Variants in SCMH1 observed in about 807,000 individuals in gnomAD.
SCMH1 encodes the protein polycomb protein SCMH1.
SCMH1 carries 37 observed loss-of-function variants against 70.8 expected under a neutral mutation model. The ratio of observed to expected loss-of-function variants is 0.52; its 90% CI spans 0.40 to 0.69. SCMH1 has a LOEUF of 0.69. Among genes scored for constraint, SCMH1 ranks in the 30% least tolerant of loss-of-function variants. The probability of loss-of-function intolerance (pLI) is 0.00; values close to 1 mark genes in which losing one functional copy is unlikely to be tolerated. For missense variants in SCMH1, 607 were observed against 827.3 expected (o/e 0.73, Z 3.27); for synonymous variants, 292 against 307.4 (o/e 0.95, Z 0.52).
intron 10 of SCMH1, among the ~76,000 whole-genome samples, chr1:41,060,019 A>G (rs6666928): frequency 6.6e-6 from 1 of 150,644 alleles, no homozygotes; most frequent in Non-Finnish European, 1.5e-5. Flanking sequence ...AAAAAAAAAA[A>G]CCATAACAGA....
intron 6 of SCMH1, among the ~76,000 whole-genome samples, chr1:41,130,657 ACT>A (rs778430434): frequency 5.3e-5 from 8 of 152,262 alleles, no homozygotes; most frequent in Admixed American, 1.3e-4. Context: ...CATAAAATTT[ACT>A]CTTTTAAGTA....
chr1:41,125,520 T>C (rs112917381), intron 6 of SCMH1, among the ~76,000 whole-genome samples: 12 of 151,438 alleles, frequency 7.9e-5, no homozygotes, highest in Admixed American at 2.0e-4. Context: ...CCCAGCCTCA[T>C]TCCTTCTATA....
intron 8 of SCMH1, among the ~76,000 whole-genome samples, chr1:41,090,690 G>C (rs1024108049): frequency 5.3e-5 from 8 of 151,972 alleles, no homozygotes; most frequent in Non-Finnish European, 1.2e-4. Context: ...TAAATTAAAA[G>C]TTAAAAAAAT....
intron 8 of SCMH1, among the ~76,000 whole-genome samples, chr1:41,108,727 A>G (rs2147805412): frequency 6.6e-6 from 1 of 152,352 alleles, no homozygotes; most frequent in East Asian, 1.9e-4. Context: ...AGGCAGAGAT[A>G]GGTGATAGGT....
chr1:41,118,722 T>C (rs990488432), intron 6 of SCMH1, among the ~76,000 whole-genome samples: 3 of 152,218 alleles, frequency 2.0e-5, no homozygotes, highest in African/African-American at 7.2e-5. Flanking sequence ...ATAAGATCAT[T>C]ATTACAGTTA....
At chr1:41,214,336 A>G (rs1445009713) in intron 1 of SCMH1, among the ~76,000 whole-genome samples, 2 of 152,166 alleles carry the variant, frequency 1.3e-5, no homozygotes, top group African/African-American at 4.8e-5. Context: ...ACTTTGCAAA[A>G]TATAACAATA....
At chr1:41,174,793 T>G (rs1423663171) in intron 2 of SCMH1, among the ~76,000 whole-genome samples, 1 of 152,240 alleles carries the variant, frequency 6.6e-6, no homozygotes, top group Non-Finnish European at 1.5e-5. Context: ...AAAAGTTGTA[T>G]TGACTTTATA....
intron 11 of SCMH1, among the ~76,000 whole-genome samples, chr1:41,048,155 G>GGA (rs1489927473): frequency 6.6e-6 from 1 of 152,164 alleles, no homozygotes; most frequent in African/African-American, 2.4e-5. Context: ...TCAGGACACA[G>GGA]GAGAAAAAAT....
chr1:41,074,363 T>C (rs1371932459), intron 9 of SCMH1, among the ~76,000 whole-genome samples: 1 of 152,206 alleles, frequency 6.6e-6, no homozygotes, highest in Non-Finnish European at 1.5e-5. Context: ...ATTTTACATC[T>C]GTAAGTCTCA....
At chr1:41,153,579 G>A (rs1426655652) in intron 4 of SCMH1, among the ~76,000 whole-genome samples, 1 of 152,114 alleles carries the variant, frequency 6.6e-6, no homozygotes, top group Non-Finnish European at 1.5e-5. Flanking sequence ...ATTCTGTAAT[G>A]TACACAGGCT....
At chr1:41,104,438 T>C (rs1667367654) in intron 8 of SCMH1, among the ~76,000 whole-genome samples, 1 of 152,168 alleles carries the variant, frequency 6.6e-6, no homozygotes, top group Admixed American at 6.5e-5. Context: ...AGTACCTGAG[T>C]GGCTATTCTC....
chr1:41,217,582 T>C (rs1157806354), intron 1 of SCMH1, among the ~76,000 whole-genome samples: 3 of 152,176 alleles, frequency 2.0e-5, no homozygotes, highest in Admixed American at 6.5e-5. Flanking sequence ...AGCAAAGATA[T>C]GTGGAGAACA....
chr1:41,094,170 A>G (rs1037571455), intron 8 of SCMH1, among the ~76,000 whole-genome samples: 14 of 152,202 alleles, frequency 9.2e-5, no homozygotes, highest in Non-Finnish European at 5.9e-5. Context: ...GGATTTAATA[A>G]GCTTAATAAA....
chr1:41,201,232 C>T (rs1654292016), intron 1 of SCMH1, among the ~76,000 whole-genome samples: 2 of 152,140 alleles, frequency 1.3e-5, no homozygotes, highest in Non-Finnish European at 2.9e-5. Context: ...AGTTATAAAT[C>T]CATGGCATTA....
intron 1 of SCMH1, among the ~76,000 whole-genome samples, chr1:41,187,825 AAAT>A (rs1650654051): frequency 6.7e-6 from 1 of 148,728 alleles, no homozygotes; most frequent in South Asian, 2.2e-4. Flanking sequence ...AAAAAAAAAA[AAAT>A]ATAAAAATTA....
intron 1 of SCMH1, among the ~76,000 whole-genome samples, chr1:41,241,383 C>T (rs1165510234): frequency 6.6e-6 from 1 of 152,218 alleles, no homozygotes; most frequent in Non-Finnish European, 1.5e-5. Flanking sequence ...TGCGGGGCCG[C>T]TCTCCCTGCC....
chr1:41,077,754 C>G (rs1375330562), intron 8 of SCMH1, among the ~76,000 whole-genome samples: 2 of 152,164 alleles, frequency 1.3e-5, no homozygotes, highest in African/African-American at 4.8e-5. Flanking sequence ...TTGAGGTGAT[C>G]AGGCCCTATC....
intron 11 of SCMH1, among the ~76,000 whole-genome samples, chr1:41,047,334 G>A (rs1646987798): frequency 1.3e-5 from 2 of 151,824 alleles, no homozygotes; most frequent in Non-Finnish European, 2.9e-5. Flanking sequence ...GAAGAGACCA[G>A]GGAGTAGGCT....
chr1:41,066,990 T>C (rs1354845570), intron 10 of SCMH1, among the ~76,000 whole-genome samples: 1 of 152,082 alleles, frequency 6.6e-6, no homozygotes, highest in East Asian at 1.9e-4. Context: ...TCCAAAGGAG[T>C]TGAAACCGTA....
Sources: gnomAD v4.1 joint callset for allele counts (sites outside exome capture counted in the v4.1 genomes callset) on GRCh38, gnomAD v4.1.1 for gene constraint, MANE v1.5 for transcripts, NCBI Gene and HGNC (gene_info 2026-07-23, HGNC 2026-07-21) for gene names.